Variants in NAV2 observed in about 807,000 individuals in gnomAD.
NAV2 encodes neuron navigator 2, also known as helicase, APC down-regulated 1.
NAV2 carries 54 observed loss-of-function variants against 223.2 expected under a neutral mutation model. The ratio of observed to expected loss-of-function variants is 0.24; its 90% CI spans 0.19 to 0.30. NAV2 has a LOEUF of 0.30. Ranked by LOEUF, NAV2 falls within the 10% of genes least tolerant of loss-of-function variation. The pLI is 1.00. For synonymous variants in NAV2, 1,279 were observed against 1,239.3 expected, an observed-to-expected ratio of 1.03 and a Z score of -0.67; for missense variants, 2,806 against 3,147.5, an observed-to-expected ratio of 0.89 and a Z score of 2.60.
Position 20,120,980 on chromosome 11 carries a change from T to C in NAV2, c.*2722T>C, listed in dbSNP as rs925124274. 3 of 152,546 alleles carry C rather than the reference T, an allele frequency of 2.0e-5. No homozygotes were observed. Among genetic ancestry groups the C allele is most frequent in the African/African-American group, 7.2e-5 (3 of 41,440 alleles). 9.4% of individuals were successfully genotyped at this position (152,546 alleles called of 1,614,324 possible). A position where few individuals can be genotyped will look rare whatever the true frequency, so the allele number is the denominator to read the frequency against. ...AGTTACCAATGGAAGCCAAAAGTTC[T>C]CTTCCCAAACTGCCAAGAATGATAC... On this transcript the variant is annotated 3_prime_UTR_variant, in exon 38 of 38. Coordinates refer to ENST00000349880, the MANE Select transcript of NAV2 (RefSeq NM_145117.5).
chr11:19,744,849 C>G (rs530346682), intron 1 of NAV2, among the ~76,000 whole-genome samples: 3 of 152,306 alleles, frequency 2.0e-5, no homozygotes, highest in Admixed American at 2.0e-4. Flanking sequence ...TCTCTTAACT[C>G]TGCACTGTAG....
chr11:19,352,939 C>A (rs1281171707), intron 1 of NAV2, among the ~76,000 whole-genome samples: 1 of 152,076 alleles, frequency 6.6e-6, no homozygotes, highest in Admixed American at 6.5e-5. Flanking sequence ...TAAACATACA[C>A]CCCATTTGCG....
At chr11:19,930,586 A>G (rs2045235098) in intron 6 of NAV2, among the ~76,000 whole-genome samples, 1 of 152,276 alleles carries the variant, frequency 6.6e-6, no homozygotes, top group African/African-American at 2.4e-5. Context: ...CCTTCTTGCT[A>G]AAATGTGAAC....
chr11:19,569,695 T>C (rs1201193391), intron 1 of NAV2, among the ~76,000 whole-genome samples: 3 of 152,158 alleles, frequency 2.0e-5, no homozygotes, highest in African/African-American at 7.2e-5. Flanking sequence ...AGGCAAGGAA[T>C]CAGGATGCAA....
At chr11:20,051,404 T>A in intron 17 of NAV2, 71 bp downstream of exon 17, 1 of 1,438,370 alleles carries the variant, frequency 7.0e-7, no homozygotes, top group Non-Finnish European at 9.8e-7. Flanking sequence ...GACTCCTTCA[T>A]GGCTGGTGGG....
intron 1 of NAV2, among the ~76,000 whole-genome samples, chr11:19,538,891 T>TTA (rs57662236): frequency 0.12 from 18,119 of 146,390 alleles, 1,185 homozygotes; most frequent in African/African-American, 0.18. Context: ...TAATGACATT[T>TTA]TATATATATA....
intron 10 of NAV2, among the ~76,000 whole-genome samples, chr11:19,953,375 C>T (rs75272001): frequency 6.6e-6 from 1 of 152,208 alleles, no homozygotes; most frequent in Non-Finnish European, 1.5e-5. Context: ...GCCACATTTC[C>T]CTTCACACAC....
At chr11:19,909,523 A>C (rs1460364648) in intron 6 of NAV2, among the ~76,000 whole-genome samples, 2 of 152,216 alleles carry the variant, frequency 1.3e-5, no homozygotes, top group Admixed American at 1.3e-4. Context: ...TAATGCACAG[A>C]AACCACTTTC....
chr11:19,920,127 C>T (rs1284291347), intron 6 of NAV2, among the ~76,000 whole-genome samples: 1 of 152,052 alleles, frequency 6.6e-6, no homozygotes, highest in Admixed American at 6.5e-5. Context: ...GAGCAAGACC[C>T]TGTCTCAAAA....
chr11:19,895,991 T>A (rs1223327734), intron 6 of NAV2, among the ~76,000 whole-genome samples: 2 of 151,988 alleles, frequency 1.3e-5, no homozygotes, highest in Non-Finnish European at 2.9e-5. Flanking sequence ...AGCCACAGTT[T>A]GTTGTGGTGG....
At position 19,933,379 on chromosome 11, in the gene NAV2, C is replaced by G. The variant is rs1199569879; in HGVS notation, c.1135C>G (p.Pro379Ala). 2 of 1,587,454 alleles carry G rather than the reference C, an allele frequency of 1.3e-6. No homozygotes were observed. Among genetic ancestry groups the G allele is most frequent in the Admixed American group, 1.8e-5 (1 of 56,212 alleles). ...ATVSMLSVKP[P>A]GPEAPRPTPE... ...GGTATCCATGCTCTCGGTCAAGCCT[C>G]CTGGGCCTGAGGCCCCCAGGCCCAC... is the stretch of plus-strand genomic sequence containing the variant. The change falls in exon 7 of 38, where the codon CCT (proline) becomes GCT (alanine). Residue 379 changes from proline to alanine, a missense_variant. Pro to Ala is a conservative substitution (Grantham distance 27, BLOSUM62 -1). This residue lies in a region of NAV2 where 1,167 missense variants were observed against 1,180.5 expected (regional missense o/e 0.99). Coordinates refer to ENST00000349880, the MANE Select transcript of NAV2 (RefSeq NM_145117.5). This position sits in a 1 kb window ranked among gnomAD's most constrained non-coding sequence, Gnocchi z 4.3.
At chr11:19,690,324 G>A (rs1289760806) in intron 1 of NAV2, among the ~76,000 whole-genome samples, 1 of 152,112 alleles carries the variant, frequency 6.6e-6, no homozygotes, top group Non-Finnish European at 1.5e-5. Flanking sequence ...TATAGTTTTA[G>A]GTCACTCCTC....
intron 1 of NAV2, among the ~76,000 whole-genome samples, chr11:19,449,335 T>G (rs1018740628): frequency 3.9e-4 from 59 of 150,976 alleles, no homozygotes; most frequent in African/African-American, 1.2e-3. Flanking sequence ...AGGCGGAGTT[T>G]GCAGTGAGCT....
chr11:19,439,394 ACCT>A (rs1851322053), intron 1 of NAV2, among the ~76,000 whole-genome samples: 1 of 151,606 alleles, frequency 6.6e-6, no homozygotes, highest in African/African-American at 2.4e-5. Context: ...TGTACAACAA[ACCT>A]CCTGAAATGA....
chr11:19,367,771 C>T lies in NAV2; in HGVS notation c.75+16744C>T, dbSNP rs73428666. Among the ~76,000 whole-genome samples the T allele has an allele frequency of 9.4e-3, 1,430 of 152,314 alleles. 32 individuals are homozygous for T. Among genetic ancestry groups the T allele is most frequent in the African/African-American group, 0.033 (1,362 of 41,580 alleles). On this transcript the variant is annotated intron_variant, in intron 1 of 37. Transcript: ENST00000360655. ...CAATATTTAGGGTTTGTATTTAAGA[C>T]AGCTCTTGCAGCTTTCTTATGGCTC... is the stretch of plus-strand genomic sequence containing the variant.
intron 4 of NAV2, among the ~76,000 whole-genome samples, chr11:19,878,645 G>A (rs143611329): frequency 1.3e-5 from 2 of 152,182 alleles, no homozygotes; most frequent in Non-Finnish European, 2.9e-5. Context: ...TTTCTTCAGA[G>A]CCTGGAGAAA....
At chr11:19,771,972 T>C (rs1230685564) in intron 1 of NAV2, among the ~76,000 whole-genome samples, 2 of 152,034 alleles carry the variant, frequency 1.3e-5, no homozygotes, top group African/African-American at 4.8e-5. Context: ...CCAAGGCTGG[T>C]GGAGGGGAGA....
At position 19,672,605 on chromosome 11, in the gene NAV2, T is replaced by C. The variant is rs114954225; in HGVS notation, c.76-159879T>C. On this transcript the variant is annotated intron_variant, in intron 1 of 37. Transcript: ENST00000360655. The stretch of plus-strand genomic sequence containing the variant: ...GGTGGCCAATGGGACTTCTTTCTCA[T>C]CTGCTTGACCCAAGGGATGGAGGGC... 1.9e-3 allele frequency among the ~76,000 whole-genome samples: 282 copies of C among 152,194 alleles called. 1 individual carries two copies. Among genetic ancestry groups the C allele is most frequent in the African/African-American group, 6.6e-3 (272 of 41,522 alleles).
chr11:19,478,571 G>T (rs574961401), intron 1 of NAV2, among the ~76,000 whole-genome samples: 2 of 152,236 alleles, frequency 1.3e-5, no homozygotes, highest in African/African-American at 4.8e-5. Context: ...ATTAAAATTT[G>T]TAGAGCACCT....
Sources: allele counts gnomAD v4.1 joint callset (sites outside exome capture counted in the v4.1 genomes callset), GRCh38; gene constraint gnomAD v4.1.1; regional missense constraint gnomAD v4.1.1; non-coding constraint Gnocchi (gnomAD v3.1); transcripts MANE v1.5; gene names NCBI Gene and HGNC (gene_info 2026-07-23, HGNC 2026-07-21).